Variants in PDE4D observed in about 807,000 individuals in gnomAD.
PDE4D encodes 3',5'-cyclic-AMP phosphodiesterase 4D.
In PDE4D, 24 loss-of-function variants were observed where a neutral mutation model predicts 87.4. The ratio of observed to expected loss-of-function variants is 0.27; its 90% confidence interval spans 0.20 to 0.39. The LOEUF is 0.39. PDE4D is among the 10% of genes least tolerant of loss of function. The probability of loss-of-function intolerance (pLI) is 1.00; values close to 1 mark genes in which losing one functional copy is unlikely to be tolerated. For missense variants in PDE4D, 714 were observed against 1,041.0 expected (o/e 0.69, Z 4.32); for synonymous variants, 384 against 383.2 (o/e 1.00, Z -0.02).
Position 59,203,861 on chromosome 5 carries a change from G to T in PDE4D, c.648-10325C>A, listed in dbSNP as rs975650993. Among the ~76,000 whole-genome samples the T allele has an allele frequency of 2.0e-5, 3 of 152,240 alleles. No individual in the cohort carries two copies. The East Asian group carries it at 5.8e-4, about 29-fold the overall frequency. ...CTGGAGCAGGGCCTGGGGGAGAATGGGAGGATGTGGAATGGGAGATGTTGG... is the reference window on the plus strand; with the variant it reads ...CTGGAGCAGGGCCTGGGGGAGAATGTGAGGATGTGGAATGGGAGATGTTGG... On this transcript the variant is annotated intron_variant, in intron 2 of 14. Coordinates refer to ENST00000340635, the MANE Select transcript of PDE4D (RefSeq NM_001104631.2).
At chr5:59,602,983 A>C (rs924658970) in intron 1 of PDE4D, among the ~76,000 whole-genome samples, 10 of 152,240 alleles carry the variant, frequency 6.6e-5, no homozygotes, top group African/African-American at 1.9e-4. Context: ...GTATATCCAC[A>C]TGCAGAAGAA....
Position 60,010,333 on chromosome 5 carries a change from C to A in PDE4D, c.43-21616G>T, listed in dbSNP as rs372230642. Among the ~76,000 whole-genome samples, 10 of 152,276 alleles carry A rather than the reference C, an allele frequency of 6.6e-5. 1 individual carries two copies. Among genetic ancestry groups the A allele is most frequent in the African/African-American group, 2.4e-4 (10 of 41,576 alleles). On this transcript the variant is annotated intron_variant, in intron 2 of 16. Coordinates refer to the PDE4D transcript ENST00000502484. ...CACATAGTTTGCAACAGTGCAAACA[C>A]TTGCAAAGCACAATGTATTCTGAAA...
At chr5:59,381,619 G>A (rs886864806) in intron 1 of PDE4D, among the ~76,000 whole-genome samples, 1 of 152,018 alleles carries the variant, frequency 6.6e-6, no homozygotes, top group African/African-American at 2.4e-5. Context: ...TAATAAAGCC[G>A]TGGTCCTATG....
chr5:59,612,350 C>T (rs943318463), intron 1 of PDE4D, among the ~76,000 whole-genome samples: 1 of 151,244 alleles, frequency 6.6e-6, no homozygotes, highest in Non-Finnish European at 1.5e-5. Context: ...GTTGGATTAT[C>T]GTATTTGAAT....
chr5:59,683,686 T>C (rs1749405031), intron 1 of PDE4D, among the ~76,000 whole-genome samples: 1 of 152,234 alleles, frequency 6.6e-6, no homozygotes. Context: ...TCCATTACAT[T>C]TTGGCCTTAT....
intron 1 of PDE4D, among the ~76,000 whole-genome samples, chr5:59,671,417 C>T (rs1438322961): frequency 6.6e-6 from 1 of 152,072 alleles, no homozygotes; most frequent in Non-Finnish European, 1.5e-5. Context: ...GATAAAAATA[C>T]AAAGTATCAT....
chr5:59,687,588 CA>C (rs1485755961), intron 1 of PDE4D, among the ~76,000 whole-genome samples: 2 of 152,172 alleles, frequency 1.3e-5, no homozygotes, highest in Non-Finnish European at 2.9e-5. Flanking sequence ...TGGAAAGGAA[CA>C]ACCAGTACCA....
rs148720415 is a variant in PDE4D, at chr5:59,473,142, C to A, written c.456-257174G>T. ...AAGAAAGAATGACCTAGAAAAAAGT[C>A]TAGAATACAATACATACTGAAAAAA... On this transcript the variant is annotated intron_variant, in intron 1 of 14. Coordinates refer to ENST00000340635, the MANE Select transcript of PDE4D (RefSeq NM_001104631.2). 2.4e-3 allele frequency among the ~76,000 whole-genome samples: 353 copies of A among 147,496 alleles called. 3 individuals carry two copies. Among genetic ancestry groups the A allele is most frequent in the African/African-American group, 8.1e-3 (325 of 40,362 alleles).
intron 1 of PDE4D, among the ~76,000 whole-genome samples, chr5:59,653,648 T>C (rs1743888711): frequency 6.6e-6 from 1 of 152,166 alleles, no homozygotes; most frequent in Admixed American, 6.5e-5. Context: ...TATTAGCAAT[T>C]ATTGCACATA....
chr5:59,455,880 T>A (rs1295560955), intron 1 of PDE4D, among the ~76,000 whole-genome samples: 1 of 152,250 alleles, frequency 6.6e-6, no homozygotes, highest in Non-Finnish European at 1.5e-5. Context: ...CCCTGCTGGA[T>A]TTTGGACTTG....
In PDE4D at chr5:58,977,383, G is replaced by C. The variant is rs370471936; in HGVS notation, c.1553-38C>G. 15 of 1,577,000 alleles carry C rather than the reference G, an allele frequency of 9.5e-6. No homozygotes were observed. In the African/African-American group the frequency reaches 2.1e-4, roughly 22 times the overall value. On this transcript the variant is annotated intron_variant, in intron 11 of 14. Transcript: ENST00000340635. ...CAAAAGGCCAAAGATCAGCAAAACT[G>C]TTTGTGAGAAGTTTATCTGATTCTT...
chr5:59,888,764 C>T (rs944564311), intron 1 of PDE4D, among the ~76,000 whole-genome samples: 2 of 151,632 alleles, frequency 1.3e-5, no homozygotes, highest in Non-Finnish European at 2.9e-5. Flanking sequence ...CCTAGATTAC[C>T]GTTACATCCT....
intron 5 of PDE4D, among the ~76,000 whole-genome samples, chr5:59,115,670 G>T (rs990913740): frequency 1.3e-5 from 2 of 152,122 alleles, no homozygotes; most frequent in African/African-American, 2.4e-5. Flanking sequence ...TAGAAGAAAG[G>T]GGACACTATT....
intron 1 of PDE4D, among the ~76,000 whole-genome samples, chr5:59,237,075 AAGTTTT>A (rs1396466952): frequency 6.6e-6 from 1 of 152,098 alleles, no homozygotes; most frequent in African/African-American, 2.4e-5. Context: ...ACAGATAATG[AAGTTTT>A]AGACCCAACC....
At chr5:60,199,775 TG>T (rs1474982749) in intron 1 of PDE4D, among the ~76,000 whole-genome samples, 66 of 151,862 alleles carry the variant, frequency 4.3e-4, no homozygotes, top group African/African-American at 1.3e-3. Context: ...ATCCAAACTC[TG>T]CTAAGATGAA....
chr5:60,342,017 A>G (rs989891067), intron 1 of PDE4D, among the ~76,000 whole-genome samples: 2 of 152,216 alleles, frequency 1.3e-5, no homozygotes, highest in Non-Finnish European at 2.9e-5. Flanking sequence ...TTCAAACTAT[A>G]AAATGTTTGC....
intron 1 of PDE4D, chr5:59,356,810 GCACCGT>G: frequency 6.4e-7 from 1 of 1,562,784 alleles, no homozygotes; most frequent in Non-Finnish European, 8.6e-7. Flanking sequence ...GATGGTCCTG[GCACCGT>G]GGCTCCCAGA....
chr5:58,985,251 T>C (rs1227195077), intron 11 of PDE4D, among the ~76,000 whole-genome samples: 1 of 152,196 alleles, frequency 6.6e-6, no homozygotes, highest in Non-Finnish European at 1.5e-5. Flanking sequence ...TTTAAAAATA[T>C]TTACGCAGCT....
intron 1 of PDE4D, among the ~76,000 whole-genome samples, chr5:59,752,271 C>T (rs1320278288): frequency 6.6e-6 from 1 of 152,034 alleles, no homozygotes; most frequent in African/African-American, 2.4e-5. Context: ...TGTATGTTTA[C>T]CTTTTATTTG....
Sources: allele counts gnomAD v4.1 joint callset (sites outside exome capture counted in the v4.1 genomes callset), GRCh38; gene constraint gnomAD v4.1.1; transcripts MANE v1.5; gene names NCBI Gene and HGNC (gene_info 2026-07-23, HGNC 2026-07-21).